The following BBOX1 variants were observed in gnomAD, a reference collection of about 807,000 sequenced individuals.
BBOX1 encodes gamma-butyrobetaine dioxygenase.
A neutral mutation model predicts 41.6 loss-of-function variants in BBOX1; 35 were observed. The ratio of observed to expected loss-of-function variants is 0.84; its 90% confidence interval spans 0.64 to 1.11. The LOEUF (loss-of-function observed/expected upper bound fraction) is 1.11. Among genes scored for constraint, BBOX1 ranks in the 50% most tolerant of loss-of-function variants. The pLI, the probability that BBOX1 is intolerant of heterozygous loss-of-function variation, is 0.00. For missense variants in BBOX1, 458 were observed against 460.6 expected (o/e 0.99, Z 0.05); for synonymous variants, 163 against 154.7 (o/e 1.05, Z -0.40).
intron 5 of BBOX1, among the ~76,000 whole-genome samples, chr11:27,114,170 A>C (rs1431371607): frequency 1.3e-5 from 2 of 151,882 alleles, no homozygotes; most frequent in Non-Finnish European, 2.9e-5. Flanking sequence ...GAAGAATAAA[A>C]TACTTAGGAA....
chr11:27,070,339 T>C (rs1416994647), intron 4 of BBOX1, among the ~76,000 whole-genome samples: 1 of 152,128 alleles, frequency 6.6e-6, no homozygotes, highest in African/African-American at 2.4e-5. Flanking sequence ...GTGATCTGTT[T>C]AGTGCTGTCA....
rs1006409832 is a variant in BBOX1, at chr11:27,088,515, T to A, written c.335-4653T>A. Reference sequence around the variant, plus strand: ...CTTTTCCTGCATTTAAAATTCTGACTAGGAGCCAAGGTTTATCTTTAAACA... The same window carrying A: ...CTTTTCCTGCATTTAAAATTCTGACAAGGAGCCAAGGTTTATCTTTAAACA... On this transcript the variant is annotated intron_variant, in intron 4 of 8. Transcript: ENST00000263182. Among the ~76,000 whole-genome samples the A allele has an allele frequency of 2.6e-5, 4 of 152,136 alleles. No homozygotes were observed. The East Asian group carries it at 5.8e-4, about 22-fold the overall frequency.
chr11:27,125,811 A>G lies in BBOX1; in HGVS notation c.994A>G (p.Met332Val). 4 of 1,610,410 alleles carry G rather than the reference A, an allele frequency of 2.5e-6. No homozygotes were observed. Among genetic ancestry groups the G allele is most frequent in the Non-Finnish European group, 3.4e-6 (4 of 1,178,874 alleles). Residue 332 changes from methionine to valine, a missense_variant, in exon 8 of 9, where the codon ATG (methionine) becomes GTG (valine). Physicochemically the swap from Met to Val is conservative, Grantham distance 21 (BLOSUM62 1). Coordinates refer to ENST00000263182, the MANE Select transcript of BBOX1 (RefSeq NM_003986.3). ...NSKESKFTFK[M>V]NPGDVITFDN... ...CAAAGAATCCAAGTTTACCTTCAAG[A>G]TGAATCCAGGTCAGTGAATACATTT...
At chr11:27,110,838 T>C (rs1476231308) in intron 5 of BBOX1, among the ~76,000 whole-genome samples, 1 of 151,976 alleles carries the variant, frequency 6.6e-6, no homozygotes, top group Non-Finnish European at 1.5e-5. Flanking sequence ...TCAAAGATAA[T>C]TTGATGTATA....
intron 4 of BBOX1, among the ~76,000 whole-genome samples, chr11:27,084,463 G>A (rs1857962500): frequency 6.6e-6 from 1 of 152,084 alleles, no homozygotes; most frequent in African/African-American, 2.4e-5. Context: ...AATCTGAAGA[G>A]GGCAGGATCT....
At chr11:27,076,624 A>G (rs559846265) in intron 4 of BBOX1, among the ~76,000 whole-genome samples, 1 of 152,276 alleles carries the variant, frequency 6.6e-6, no homozygotes, top group East Asian at 1.9e-4. Flanking sequence ...GAGTGGGGCC[A>G]TAAAGCTCCC....
At chr11:27,122,577 A>G (rs570721593) in intron 7 of BBOX1, among the ~76,000 whole-genome samples, 2 of 152,198 alleles carry the variant, frequency 1.3e-5, no homozygotes, top group Non-Finnish European at 2.9e-5. Flanking sequence ...ATAATCAGTT[A>G]TAAGACAAGA....
intron 4 of BBOX1, among the ~76,000 whole-genome samples, chr11:27,060,641 T>C (rs1857108070): frequency 6.6e-6 from 1 of 152,194 alleles, no homozygotes; most frequent in African/African-American, 2.4e-5. Context: ...GACACTTTAC[T>C]AGGTATGAAG....
intron 5 of BBOX1, among the ~76,000 whole-genome samples, chr11:27,113,153 CAG>C (rs1355623838): frequency 1.3e-5 from 2 of 151,776 alleles, no homozygotes; most frequent in Non-Finnish European, 2.9e-5. Context: ...TAAAAAATAA[CAG>C]ATGCTGGTGA....
chr11:27,083,190 G>C (rs1857911501), intron 4 of BBOX1, among the ~76,000 whole-genome samples: 1 of 152,040 alleles, frequency 6.6e-6, no homozygotes, highest in African/African-American at 2.4e-5. Flanking sequence ...TGAGCCTCTA[G>C]TCATCATTAG....
At chr11:27,117,340 G>C (rs1184028023) in intron 6 of BBOX1, among the ~76,000 whole-genome samples, 1 of 151,892 alleles carries the variant, frequency 6.6e-6, no homozygotes, top group Non-Finnish European at 1.5e-5. Flanking sequence ...AGCTACGCTA[G>C]TCTAGTATTT....
intron 5 of BBOX1, among the ~76,000 whole-genome samples, chr11:27,104,530 C>A (rs1220619450): frequency 1.3e-5 from 2 of 152,152 alleles, no homozygotes; most frequent in Admixed American, 6.6e-5. Context: ...TTAAACCTCT[C>A]TCTTTACTTT....
intron 2 of BBOX1, among the ~76,000 whole-genome samples, chr11:27,054,856 A>G (rs925896311): frequency 6.6e-6 from 1 of 152,234 alleles, no homozygotes; most frequent in East Asian, 1.9e-4. Context: ...TTCTGAATTG[A>G]AGAAACAGTG....
intron 5 of BBOX1, among the ~76,000 whole-genome samples, chr11:27,103,283 T>C (rs982974019): frequency 1.3e-5 from 2 of 152,206 alleles, no homozygotes; most frequent in East Asian, 3.8e-4. Flanking sequence ...ATATTGATTG[T>C]TCTGGGACAG....
chr11:27,123,345 T>A (rs986852163), intron 7 of BBOX1, among the ~76,000 whole-genome samples: 1 of 152,080 alleles, frequency 6.6e-6, no homozygotes, highest in Non-Finnish European at 1.5e-5. Flanking sequence ...TTCATTTCAC[T>A]GATACATGAG....
rs1044273 is a variant in BBOX1 at position 27,125,723 on chromosome 11, G to A, written c.906G>A (p.Val302=). 0.17 allele frequency: 277,602 copies of A among 1,611,380 alleles called. 26,184 individuals carry two copies. The highest frequency in any genetic ancestry group is 0.21 in the Middle Eastern group (1,272 of 6,058). ...CAACTAGGGACACAATATTTGATGT[G>A]CCTGTTGAAAGAGTTCAGCCTTTTT... ...NNATRDTIFD[V]PVERVQPFYA... Residue 302 remains valine (V), a synonymous_variant, in exon 8 of 9, where the codon GTG becomes GTA. Coordinates refer to ENST00000263182, the MANE Select transcript of BBOX1 (RefSeq NM_003986.3).
chr11:27,080,072 G>C (rs996081), intron 4 of BBOX1, among the ~76,000 whole-genome samples: 137,208 of 152,050 alleles, frequency 0.9, 62,066 homozygotes, highest in East Asian at 0.94. Context: ...TTTCCATATG[G>C]CAGCAACTGA....
intron 4 of BBOX1, among the ~76,000 whole-genome samples, chr11:27,067,656 G>A (rs1037890077): frequency 1.9e-4 from 14 of 72,164 alleles, no homozygotes; most frequent in Admixed American, 1.2e-3. Flanking sequence ...CTTGAACCCC[G>A]AGGCTGAGAC....
intron 4 of BBOX1, among the ~76,000 whole-genome samples, chr11:27,079,010 A>G (rs1178088534): frequency 1.3e-5 from 2 of 152,156 alleles, no homozygotes; most frequent in Non-Finnish European, 2.9e-5. Context: ...TCTTCTAGTT[A>G]AAGCGCCATA....
Sources: gnomAD v4.1 joint callset for allele counts (sites outside exome capture counted in the v4.1 genomes callset) on GRCh38, gnomAD v4.1.1 for gene constraint, MANE v1.5 for transcripts, NCBI Gene and HGNC (gene_info 2026-07-23, HGNC 2026-07-21) for gene names.